Variants in CPEB1 observed in about 807,000 individuals in gnomAD.
The protein encoded by CPEB1 is cytoplasmic polyadenylation element-binding protein 1.
In CPEB1, 7 loss-of-function variants were observed where a neutral mutation model predicts 65.8. That is an observed-to-expected ratio of 0.11 (90% confidence interval 0.06 to 0.20). CPEB1 has a LOEUF of 0.20. Ranked by LOEUF, CPEB1 falls within the 10% of genes least tolerant of loss-of-function variation. The pLI, the probability that CPEB1 is intolerant of heterozygous loss-of-function variation, is 1.00. For missense variants in CPEB1, 551 were observed against 712.2 expected (o/e 0.77, Z 2.58); for synonymous variants, 262 against 260.0 (o/e 1.01, Z -0.08).
At chr15:82,597,985 A>C (rs1226468969) in intron 3 of CPEB1, among the ~76,000 whole-genome samples, 1 of 152,236 alleles carries the variant, frequency 6.6e-6, no homozygotes, top group African/African-American at 2.4e-5. Context: ...GGAGGAGCCC[A>C]GTAGAAGCAG....
chr15:82,551,891 T>C (rs1011155384), intron 9 of CPEB1, among the ~76,000 whole-genome samples: 1 of 152,162 alleles, frequency 6.6e-6, no homozygotes, highest in African/African-American at 2.4e-5. Context: ...CCAGGTGAGA[T>C]AAACTCGTTA....
intron 6 of CPEB1, among the ~76,000 whole-genome samples, chr15:82,555,559 G>C (rs1281675029): frequency 2.0e-5 from 3 of 152,218 alleles, no homozygotes; most frequent in Non-Finnish European, 2.9e-5. Context: ...CGTGGAAAAA[G>C]TAAAAGCAAG....
intron 9 of CPEB1, 30 bp from the exon 10 acceptor site, chr15:82,549,688 T>C: frequency 6.2e-7 from 1 of 1,606,192 alleles, no homozygotes; most frequent in South Asian, 1.1e-5. Flanking sequence ...GTATCAGCCC[T>C]GGCAGAGAGC....
chr15:82,609,912 T>C (rs182357731), intron 3 of CPEB1, among the ~76,000 whole-genome samples: 1 of 151,772 alleles, frequency 6.6e-6, no homozygotes, highest in African/African-American at 2.4e-5. Flanking sequence ...AATACAAAAT[T>C]AGCCAGGCAT....
chr15:82,631,792 T>C (rs1266727042), intron 1 of CPEB1, among the ~76,000 whole-genome samples: 1 of 152,108 alleles, frequency 6.6e-6, no homozygotes, highest in Admixed American at 6.5e-5. Context: ...GCAAGAGATA[T>C]GATTCAAATA....
At chr15:82,572,766 A>C (rs978155199) in intron 3 of CPEB1, among the ~76,000 whole-genome samples, 2 of 152,180 alleles carry the variant, frequency 1.3e-5, no homozygotes, top group Non-Finnish European at 2.9e-5. Context: ...CGTGAGGGCC[A>C]CTGATGCCTC....
At chr15:82,643,661 A>C (rs1357817853) in intron 1 of CPEB1, among the ~76,000 whole-genome samples, 1 of 151,978 alleles carries the variant, frequency 6.6e-6, no homozygotes, top group Admixed American at 6.6e-5. Flanking sequence ...ATATAGGAAA[A>C]AAAAAATGTA....
chr15:82,567,495 G>A (rs1019973415), intron 4 of CPEB1, among the ~76,000 whole-genome samples: 3 of 151,958 alleles, frequency 2.0e-5, no homozygotes, highest in South Asian at 2.1e-4. Flanking sequence ...AAATTAGCTC[G>A]GTGTGGTGGT....
chr15:82,569,245 G>A (rs2039646351), intron 4 of CPEB1, among the ~76,000 whole-genome samples: 1 of 152,198 alleles, frequency 6.6e-6, no homozygotes, highest in Non-Finnish European at 1.5e-5. Flanking sequence ...CCTCATGTGG[G>A]CTTTCCAAGA....
intron 3 of CPEB1, among the ~76,000 whole-genome samples, chr15:82,610,060 CA>C (rs34626642): frequency 0.025 from 2,604 of 106,274 alleles, 25 homozygotes; most frequent in Non-Finnish European, 0.033. Context: ...ACCTCCGTGG[CA>C]AAAAAAAAAA....
chr15:82,644,120 T>C (rs1332026637), intron 1 of CPEB1, among the ~76,000 whole-genome samples: 1 of 152,292 alleles, frequency 6.6e-6, no homozygotes, highest in East Asian at 1.9e-4. Flanking sequence ...TGCTCTGACA[T>C]ACATTGTGGA....
chr15:82,601,368 C>T (rs1410904551), intron 3 of CPEB1, among the ~76,000 whole-genome samples: 1 of 151,910 alleles, frequency 6.6e-6, no homozygotes, highest in African/African-American at 2.4e-5. Context: ...TGACTAAACC[C>T]CGTTTCTACT....
At chr15:82,558,017 C>T in intron 4 of CPEB1, 31 bp from the exon 5 acceptor site, 1 of 1,471,824 alleles carries the variant, frequency 6.8e-7, no homozygotes, top group South Asian at 1.3e-5. Context: ...ACCTCATGAC[C>T]TCTTAGTTTT....
intron 12 of CPEB1, among the ~76,000 whole-genome samples, 181 bp from the exon 13 acceptor site, chr15:82,544,883 G>A (rs1450317286): frequency 6.6e-6 from 1 of 152,100 alleles, no homozygotes; most frequent in Non-Finnish European, 1.5e-5. Flanking sequence ...ATTAACTATG[G>A]CAAACCCACC....
intron 4 of CPEB1, among the ~76,000 whole-genome samples, chr15:82,569,358 G>A (rs1263742312): frequency 6.6e-6 from 1 of 152,140 alleles, no homozygotes; most frequent in Non-Finnish European, 1.5e-5. Flanking sequence ...CCCTCAGAAA[G>A]GAAAACATAC....
intron 3 of CPEB1, among the ~76,000 whole-genome samples, chr15:82,583,141 T>C (rs974147536): frequency 2.6e-5 from 4 of 152,156 alleles, no homozygotes; most frequent in African/African-American, 9.7e-5. Flanking sequence ...GCATATATTA[T>C]TTTCAAAGGC....
chr15:82,619,218 A>G (rs1182590769), intron 3 of CPEB1, among the ~76,000 whole-genome samples: 1 of 152,230 alleles, frequency 6.6e-6, no homozygotes, highest in African/African-American at 2.4e-5. Flanking sequence ...TTCTTTCACC[A>G]AAATGATGCT....
chr15:82,633,983 G>A (rs78701464), intron 1 of CPEB1, among the ~76,000 whole-genome samples: 3,366 of 151,986 alleles, frequency 0.022, 111 homozygotes, highest in African/African-American at 0.077. Context: ...AAAAAAGAGG[G>A]TAGCACCTAC....
At chr15:82,562,765 G>A (rs1340993994) in intron 4 of CPEB1, among the ~76,000 whole-genome samples, 3 of 151,558 alleles carry the variant, frequency 2.0e-5, no homozygotes. Context: ...AGCCTAAGAG[G>A]TTGAGGCTGC....
Sources: allele counts gnomAD v4.1 joint callset (sites outside exome capture counted in the v4.1 genomes callset), GRCh38; gene constraint gnomAD v4.1.1; transcripts MANE v1.5; gene names NCBI Gene and HGNC (gene_info 2026-07-23, HGNC 2026-07-21).